CAST: variants seen among roughly 807,000 people sequenced by gnomAD.
CAST encodes calpastatin.
In CAST, 76 loss-of-function variants were observed where a neutral mutation model predicts 119.6. The observed-to-expected ratio is 0.64, with a 90% CI of 0.53 to 0.77. The LOEUF (loss-of-function observed/expected upper bound fraction) is 0.77. Among genes scored for constraint, CAST ranks in the 30% least tolerant of loss-of-function variants. The pLI, the probability that CAST is intolerant of heterozygous loss-of-function variation, is 0.00. For synonymous variants in CAST, 319 were observed against 331.6 expected (o/e 0.96, Z 0.41); for missense variants, 953 against 946.5 (o/e 1.01, Z -0.09).
At chr5:96,510,323 T>C in the CAST span, among the ~76,000 whole-genome samples, 1 of 152,212 alleles carries the variant, frequency 6.6e-6, no homozygotes, top group Admixed American at 6.5e-5. Context: ...TTTGCTCCAG[T>C]AGATTCTAGC....
the CAST span, among the ~76,000 whole-genome samples, chr5:96,243,185 T>A: frequency 6.6e-6 from 1 of 152,074 alleles, no homozygotes; most frequent in Non-Finnish European, 1.5e-5. Flanking sequence ...ACTGTTTTTT[T>A]TTTTTTTTCT....
chr5:96,722,515 G>A, intron 3 of CAST, 124 bp from the exon 4 acceptor site: 1 of 679,994 alleles, frequency 1.5e-6, no homozygotes, highest in Non-Finnish European at 2.6e-6. Flanking sequence ...CTAGATTTTT[G>A]TGCTCTAAAC....
At chr5:96,435,628 T>C in the CAST span, among the ~76,000 whole-genome samples, 64 of 152,342 alleles carry the variant, frequency 4.2e-4, 1 homozygote, top group South Asian at 0.013. Context: ...CACCCTTAAG[T>C]TGGTTTTAAT....
chr5:96,255,549 A>G, the CAST span, among the ~76,000 whole-genome samples: 1 of 128,060 alleles, frequency 7.8e-6, no homozygotes, highest in African/African-American at 3.4e-5. Context: ...TAATAAAACC[A>G]GGTCAGTCCA....
At chr5:96,125,225 G>A in the CAST span, among the ~76,000 whole-genome samples, 5 of 152,080 alleles carry the variant, frequency 3.3e-5, no homozygotes, top group Admixed American at 3.3e-4. Context: ...ATAGGTTTTT[G>A]CTTAACATTT....
chr5:96,418,013 A>T, the CAST span, among the ~76,000 whole-genome samples: 3 of 152,240 alleles, frequency 2.0e-5, no homozygotes, highest in African/African-American at 7.2e-5. Context: ...CAACAGAATC[A>T]ATCTGCTGAC....
the CAST span, among the ~76,000 whole-genome samples, chr5:96,022,473 C>A: frequency 1.3e-5 from 2 of 152,138 alleles, no homozygotes; most frequent in South Asian, 4.2e-4. Flanking sequence ...GTGTGCACAG[C>A]CAAACACTGG....
chr5:96,406,725 T>C, the CAST span, among the ~76,000 whole-genome samples: 163 of 152,372 alleles, frequency 1.1e-3, no homozygotes, highest in African/African-American at 3.5e-3. Flanking sequence ...CTACTGAATA[T>C]GACATAAGGA....
chr5:95,962,576 GT>G, the CAST span, among the ~76,000 whole-genome samples: 1 of 152,176 alleles, frequency 6.6e-6, no homozygotes, highest in African/African-American at 2.4e-5. Context: ...GTTAGATCTT[GT>G]GGAGCATCTT....
At chr5:96,755,517 G>A (rs1766112081) in intron 22 of CAST, among the ~76,000 whole-genome samples, 1 of 152,186 alleles carries the variant, frequency 6.6e-6, no homozygotes, top group African/African-American at 2.4e-5. Context: ...CAAGGGGGAA[G>A]ACCCCATTAT....
chr5:96,702,761 G>A (rs1015266847), intron 3 of CAST: 2 of 985,318 alleles, frequency 2.0e-6, no homozygotes, highest in East Asian at 1.1e-4. Context: ...GGGGCGGGGA[G>A]CATCCTGCGT....
intron 24 of CAST, among the ~76,000 whole-genome samples, chr5:96,759,329 T>A (rs1446416622): frequency 6.6e-6 from 1 of 152,168 alleles, no homozygotes; most frequent in Non-Finnish European, 1.5e-5. Context: ...ACAGAAATGC[T>A]ATATAAAAAG....
At chr5:96,041,966 G>A in the CAST span, among the ~76,000 whole-genome samples, 1 of 152,098 alleles carries the variant, frequency 6.6e-6, no homozygotes, top group South Asian at 2.1e-4. Flanking sequence ...CCACACGATA[G>A]TTTCAGAGGT....
chr5:96,051,273 G>A, the CAST span, among the ~76,000 whole-genome samples: 369 of 152,158 alleles, frequency 2.4e-3, 1 homozygote, highest in African/African-American at 8.4e-3. Context: ...GACATTAGAC[G>A]TCAAGTATGA....
the CAST span, among the ~76,000 whole-genome samples, chr5:96,469,303 A>T: frequency 1.3e-5 from 2 of 152,168 alleles, no homozygotes; most frequent in Admixed American, 1.3e-4. Flanking sequence ...CTAATTTGAG[A>T]GTCTAGATGT....
At chr5:95,984,836 C>T in the CAST span, among the ~76,000 whole-genome samples, 1 of 151,988 alleles carries the variant, frequency 6.6e-6, no homozygotes, top group African/African-American at 2.4e-5. Context: ...CATTGAACAC[C>T]TACTTTGAAA....
the CAST span, among the ~76,000 whole-genome samples, chr5:96,016,993 C>T: frequency 3.3e-5 from 5 of 152,072 alleles, no homozygotes; most frequent in South Asian, 2.1e-4. Context: ...CCTGCCACCA[C>T]GCACAGCTAA....
At chr5:96,590,476 C>A (rs945725340) in intron 1 of CAST, among the ~76,000 whole-genome samples, 2 of 152,144 alleles carry the variant, frequency 1.3e-5, no homozygotes, top group African/African-American at 4.8e-5. Flanking sequence ...TGGCCAGAAC[C>A]CCCCAGAGCA....
the CAST span, among the ~76,000 whole-genome samples, chr5:96,199,524 G>A: frequency 1.3e-5 from 2 of 151,970 alleles, no homozygotes; most frequent in African/African-American, 4.8e-5. Flanking sequence ...CCCAATTCTT[G>A]ATGTACCTAT....
Sources: allele counts gnomAD v4.1 joint callset (sites outside exome capture counted in the v4.1 genomes callset), GRCh38; gene constraint gnomAD v4.1.1; transcripts MANE v1.5; gene names NCBI Gene and HGNC (gene_info 2026-07-23, HGNC 2026-07-21).